KDM7A: variants seen among roughly 807,000 people sequenced by gnomAD.
The protein encoded by KDM7A is lysine demethylase 7A, also known as lysine-specific demethylase 7A.
In KDM7A, 28 loss-of-function variants were observed where a neutral mutation model predicts 114.8. The observed-to-expected ratio is 0.24, with a 90% CI of 0.18 to 0.33. KDM7A has a LOEUF of 0.33. Among genes scored for constraint, KDM7A ranks in the 10% least tolerant of loss-of-function variants. The pLI is 1.00. For synonymous variants in KDM7A, 423 were observed against 397.8 expected (o/e 1.06, Z -0.75); for missense variants, 942 against 1,142.5 (o/e 0.82, Z 2.53).
rs1794229574 is a variant in KDM7A, at chr7:140,139,297, AC to A, written c.195-108del. 10 of 706,694 alleles carry A rather than the reference AC, an allele frequency of 1.4e-5. No individual in the cohort carries two copies. In the East Asian group the frequency reaches 2.5e-4, roughly 18 times the overall value. 43.8% of individuals were successfully genotyped at this position (706,694 alleles called of 1,614,324 possible). ...TGAGAAATGTACAACCACCTCACCA[AC>A]ACATTTTTGTAGAGCACAGAAACAC... On this transcript the variant is annotated intron_variant, in intron 1 of 19. Coordinates refer to ENST00000397560, the MANE Select transcript of KDM7A (RefSeq NM_030647.2).
At chr7:140,138,285 G>T (rs918342803) in intron 2 of KDM7A, among the ~76,000 whole-genome samples, 3 of 151,836 alleles carry the variant, frequency 2.0e-5, no homozygotes, top group Admixed American at 6.6e-5. Context: ...TCCAGCACGG[G>T]TGACAGAGCA....
At chr7:140,124,979 C>T (rs1277568990) in intron 6 of KDM7A, among the ~76,000 whole-genome samples, 196 bp from the exon 7 acceptor site, 3 of 152,080 alleles carry the variant, frequency 2.0e-5, no homozygotes, top group Non-Finnish European at 4.4e-5. Flanking sequence ...TAAAGCTCCC[C>T]CTCCTCAACT....
At chr7:140,107,415 G>C (rs892143157) in intron 11 of KDM7A, among the ~76,000 whole-genome samples, 4 of 152,160 alleles carry the variant, frequency 2.6e-5, no homozygotes, top group African/African-American at 9.7e-5. Flanking sequence ...GGTCTCAGTT[G>C]TTCCTTTCCA....
intron 19 of KDM7A, 53 bp downstream of exon 19, chr7:140,091,751 G>A: frequency 6.3e-7 from 1 of 1,582,976 alleles, no homozygotes; most frequent in Admixed American, 1.8e-5. Flanking sequence ...CTGCCATGAT[G>A]ACCATCACAT....
chr7:140,154,488 T>G (rs1387914991), intron 1 of KDM7A, among the ~76,000 whole-genome samples: 1 of 137,956 alleles, frequency 7.2e-6, no homozygotes, highest in East Asian at 2.1e-4. Flanking sequence ...TAAGACTCTG[T>G]CTCTTAAAAT....
rs1817914837 is a variant in KDM7A, at chr7:140,085,733, T to C, written c.*5361A>G. On this transcript the variant is annotated 3_prime_UTR_variant, in exon 20 of 20. Transcript: ENST00000397560. ...TTTGGTTTAGGTTTCTTTTGCAAGA[T>C]AAAATAACCTTGGGGTTCACTTAGT... The C allele has an allele frequency of 6.6e-6, 1 of 152,194 alleles. No homozygotes were observed. Among genetic ancestry groups the C allele is most frequent in the Non-Finnish European group, 1.5e-5 (1 of 68,032 alleles). The allele number at this position is 152,194 out of a possible 1,614,324, so 9.4% of individuals were successfully genotyped here.
intron 1 of KDM7A, among the ~76,000 whole-genome samples, chr7:140,169,525 T>G (rs935302705): frequency 7.9e-5 from 12 of 151,670 alleles, no homozygotes; most frequent in Non-Finnish European, 1.8e-4. Flanking sequence ...ACTAATGGGG[T>G]TTTTTTGTTT....
Position 140,145,985 on chromosome 7 carries a change from T to C in KDM7A, c.195-6795A>G, listed in dbSNP as rs145232066. Among the ~76,000 whole-genome samples the C allele has an allele frequency of 6.6e-5, 10 of 152,328 alleles. No homozygotes were observed. The East Asian group carries it at 1.9e-3, about 29-fold the overall frequency. ...ACATGACTATTAATCTTCAATGATG[T>C]ATGAGTTCCTCTCTCTAGTGTCTAC... is the stretch of plus-strand genomic sequence containing the variant. On this transcript the variant is annotated intron_variant, in intron 1 of 19. Transcript: ENST00000397560.
At chr7:140,145,755 C>A (rs1184982391) in intron 1 of KDM7A, among the ~76,000 whole-genome samples, 7 of 152,100 alleles carry the variant, frequency 4.6e-5, no homozygotes, top group Non-Finnish European at 7.4e-5. Context: ...TTGACCATGG[C>A]CACATTCCTC....
chr7:140,144,737 A>ACC (rs1554400034), intron 1 of KDM7A, among the ~76,000 whole-genome samples: 41 of 150,992 alleles, frequency 2.7e-4, no homozygotes, highest in East Asian at 5.9e-4. Context: ...ACACACACAC[A>ACC]CCCTCATGCT....
chr7:140,100,453 C>G (rs535829105), intron 12 of KDM7A, among the ~76,000 whole-genome samples: 2 of 151,856 alleles, frequency 1.3e-5, no homozygotes, highest in African/African-American at 4.8e-5. Flanking sequence ...CACCACACTG[C>G]TACCACTAGG....
Position 140,176,285 on chromosome 7 carries a change from C to A in KDM7A, c.194+459G>T, listed in dbSNP as rs1794706405. ...ACCCCATCGCCGCCCGGAAGGAAGG[C>A]AGGCGCGTCGGCCGGCCGGGCAGAG... On this transcript the variant is annotated intron_variant, in intron 1 of 19. Transcript: ENST00000397560. The surrounding 1 kb of genome is among the most constrained non-coding windows in gnomAD (Gnocchi z 4.4). Among the ~76,000 whole-genome samples the A allele has an allele frequency of 6.7e-6, 1 of 149,026 alleles. No homozygotes were observed. The highest frequency in any genetic ancestry group is 1.5e-5 in the Non-Finnish European group (1 of 67,204).
chr7:140,122,544 G>C (rs1818632260), intron 7 of KDM7A, among the ~76,000 whole-genome samples: 2 of 152,152 alleles, frequency 1.3e-5, no homozygotes, highest in Non-Finnish European at 2.9e-5. Context: ...ACATACATTT[G>C]TTATTATATA....
chr7:140,139,076 C>A (rs752764286), intron 2 of KDM7A, 29 bp downstream of exon 2: 5 of 1,435,376 alleles, frequency 3.5e-6, no homozygotes, highest in South Asian at 1.2e-5. Flanking sequence ...TCTGAAATGT[C>A]CATTTTTATT....
intron 8 of KDM7A, among the ~76,000 whole-genome samples, chr7:140,119,852 A>G (rs1818590965): frequency 6.6e-6 from 1 of 152,218 alleles, no homozygotes; most frequent in Non-Finnish European, 1.5e-5. Context: ...AGGCAAGTCC[A>G]GAGATATGGC....
chr7:140,158,874 T>C (rs1268423344), intron 1 of KDM7A, among the ~76,000 whole-genome samples: 4 of 151,836 alleles, frequency 2.6e-5, no homozygotes, highest in Non-Finnish European at 5.9e-5. Flanking sequence ...TTGGATTGAG[T>C]ACAAGAGAAA....
chr7:140,129,947 T>G (rs1358737582), intron 3 of KDM7A, among the ~76,000 whole-genome samples: 2 of 152,174 alleles, frequency 1.3e-5, no homozygotes, highest in African/African-American at 4.8e-5. Flanking sequence ...TATGTACAAG[T>G]TGAGTATCCC....
intron 18 of KDM7A, among the ~76,000 whole-genome samples, chr7:140,092,687 C>A (rs1266393724): frequency 2.0e-5 from 3 of 152,144 alleles, no homozygotes; most frequent in Non-Finnish European, 4.4e-5. Flanking sequence ...AAGGAACAGA[C>A]TAGATGTGAA....
intron 1 of KDM7A, among the ~76,000 whole-genome samples, chr7:140,141,361 A>C (rs760653557): frequency 4.1e-4 from 61 of 149,414 alleles, no homozygotes; most frequent in Middle Eastern, 3.5e-3. Flanking sequence ...AACAAAACAA[A>C]CCCCCCCCAC....
Sources: gnomAD v4.1 joint callset for allele counts (sites outside exome capture counted in the v4.1 genomes callset) on GRCh38, gnomAD v4.1.1 for gene constraint, Gnocchi (gnomAD v3.1) non-coding constraint, MANE v1.5 for transcripts, NCBI Gene and HGNC (gene_info 2026-07-23, HGNC 2026-07-21) for gene names.